The following RABGAP1L variants were observed in gnomAD, a reference collection of about 807,000 sequenced individuals.
RABGAP1L encodes the protein RAB GTPase activating protein 1 like.
A neutral mutation model predicts 137.7 loss-of-function variants in RABGAP1L; 63 were observed. The observed-to-expected ratio is 0.46, with a 90% confidence interval of 0.37 to 0.56. The LOEUF (loss-of-function observed/expected upper bound fraction) is 0.56. Among genes scored for constraint, RABGAP1L ranks in the 20% least tolerant of loss-of-function variants. RABGAP1L has a pLI of 0.00. For missense variants in RABGAP1L, 1,095 were observed against 1,244.0 expected (o/e 0.88, Z 1.80); for synonymous variants, 431 against 433.7 (o/e 0.99, Z 0.08).
At chr1:174,889,504 T>A (rs1212348353) in intron 19 of RABGAP1L, among the ~76,000 whole-genome samples, 7 of 152,174 alleles carry the variant, frequency 4.6e-5, no homozygotes, top group Admixed American at 2.6e-4. Context: ...CACTGCAGCC[T>A]CGAACTCCTG....
chr1:174,862,985 C>T (rs150573949), intron 19 of RABGAP1L, among the ~76,000 whole-genome samples: 9,662 of 151,796 alleles, frequency 0.064, 431 homozygotes, highest in Admixed American at 0.096. Context: ...ACCTCTGCCA[C>T]CTGGATTCAA....
intron 4 of RABGAP1L, among the ~76,000 whole-genome samples, chr1:174,241,177 G>A (rs1429669978): frequency 6.6e-6 from 1 of 151,886 alleles, no homozygotes; most frequent in Non-Finnish European, 1.5e-5. Context: ...AAAATTAGCC[G>A]GGTGTGATGG....
chr1:174,374,550 A>G (rs1372117583), intron 12 of RABGAP1L, among the ~76,000 whole-genome samples: 1 of 152,134 alleles, frequency 6.6e-6, no homozygotes, highest in East Asian at 1.9e-4. Flanking sequence ...TGTAGAAACT[A>G]ATTTTCTTTG....
At chr1:174,745,957 T>G (rs990946386) in intron 17 of RABGAP1L, among the ~76,000 whole-genome samples, 12 of 152,210 alleles carry the variant, frequency 7.9e-5, no homozygotes, top group African/African-American at 2.7e-4. Flanking sequence ...GGATTTCCAT[T>G]ATTTCCCTTT....
intron 13 of RABGAP1L, among the ~76,000 whole-genome samples, chr1:174,635,071 A>AG (rs1268827494): frequency 6.6e-6 from 1 of 151,620 alleles, no homozygotes; most frequent in African/African-American, 2.4e-5. Context: ...AAATAAAAAA[A>AG]GAAAAAAAAG....
chr1:174,349,047 G>A (rs572004248), intron 11 of RABGAP1L, among the ~76,000 whole-genome samples: 4,430 of 138,958 alleles, frequency 0.032, 59 homozygotes, highest in Middle Eastern at 0.091. Flanking sequence ...GGCCGGGCGG[G>A]GGGGGGGCTG....
chr1:174,745,972 T>C (rs1683829988), intron 17 of RABGAP1L, among the ~76,000 whole-genome samples: 1 of 152,202 alleles, frequency 6.6e-6, no homozygotes, highest in African/African-American at 2.4e-5. Context: ...CCCTTTTATT[T>C]TGATTCCTAA....
intron 18 of RABGAP1L, among the ~76,000 whole-genome samples, chr1:174,790,181 G>C (rs1687742240): frequency 6.6e-6 from 1 of 151,756 alleles, no homozygotes; most frequent in Non-Finnish European, 1.5e-5. Context: ...CTGCATTCCA[G>C]TCTGGGAGAC....
Position 174,752,166 on chromosome 1 carries a change from C to A in RABGAP1L, c.2170-147C>A. Reference sequence around the variant, plus strand: ...CAAGCCACTCAGGGAAAGAAAATACCTTTAAAAAAAAACTCATGGTTTAAT... The same window carrying A: ...CAAGCCACTCAGGGAAAGAAAATACATTTAAAAAAAAACTCATGGTTTAAT... On this transcript the variant is annotated intron_variant, in intron 17 of 25. Transcript: ENST00000681986. 1.1e-5 allele frequency: 7 copies of A among 620,744 alleles called. No individual in the cohort carries two copies. The South Asian group carries it at 1.3e-4, about 11-fold the overall frequency. The allele number at this position is 620,744 out of a possible 1,614,324, so 38.5% of individuals were successfully genotyped here. A position where few individuals can be genotyped will look rare whatever the true frequency, so the allele number is the denominator to read the frequency against.
chr1:174,612,960 AGTC>A (rs1671409163), intron 13 of RABGAP1L, among the ~76,000 whole-genome samples: 3 of 151,382 alleles, frequency 2.0e-5, no homozygotes, highest in Non-Finnish European at 4.4e-5. Flanking sequence ...CTTCTTTATT[AGTC>A]TTGCTAGTGG....
intron 24 of RABGAP1L, 133 bp downstream of exon 24, chr1:174,983,038 C>T: frequency 5.4e-6 from 5 of 923,084 alleles, no homozygotes. Flanking sequence ...ACTAGGATAC[C>T]TCTCTTCTGA....
intron 13 of RABGAP1L, among the ~76,000 whole-genome samples, chr1:174,494,904 C>T (rs543931834): frequency 9.2e-5 from 14 of 152,058 alleles, no homozygotes; most frequent in Non-Finnish European, 1.6e-4. Context: ...TGCATCAAGT[C>T]GATAAGTCTT....
chr1:174,586,786 G>C (rs1669148873), intron 13 of RABGAP1L, among the ~76,000 whole-genome samples: 1 of 152,076 alleles, frequency 6.6e-6, no homozygotes, highest in Admixed American at 6.5e-5. Flanking sequence ...AGTACAGACA[G>C]GGTTTCACCG....
At chr1:174,174,468 T>C (rs1665675005) in intron 1 of RABGAP1L, among the ~76,000 whole-genome samples, 1 of 152,118 alleles carries the variant, frequency 6.6e-6, no homozygotes. Context: ...TGGAATTGGC[T>C]TACACAATTA....
intron 10 of RABGAP1L, 67 bp from the exon 11 acceptor site, chr1:174,304,919 T>G (rs1678059424): frequency 3.7e-6 from 5 of 1,357,270 alleles, no homozygotes; most frequent in Non-Finnish European, 5.0e-6. Context: ...ATGCATTATT[T>G]AAATACTATC....
intron 13 of RABGAP1L, among the ~76,000 whole-genome samples, chr1:174,456,137 G>A (rs1656017546): frequency 6.6e-6 from 1 of 151,958 alleles, no homozygotes; most frequent in Non-Finnish European, 1.5e-5. Context: ...TTAACTTTAT[G>A]TTGGAGGTGT....
intron 20 of RABGAP1L, chr1:174,964,887 ATATTTTAG>A: frequency 2.1e-6 from 3 of 1,462,134 alleles, no homozygotes; most frequent in Non-Finnish European, 1.8e-6. Context: ...CATTTCATAA[ATATTTTAG>A]TAGGTGTTCA....
chr1:174,740,882 T>C (rs1477942016), intron 17 of RABGAP1L, among the ~76,000 whole-genome samples: 1 of 152,180 alleles, frequency 6.6e-6, no homozygotes, highest in Non-Finnish European at 1.5e-5. Context: ...GAGAAATGGC[T>C]ATTCATATAC....
intron 14 of RABGAP1L, among the ~76,000 whole-genome samples, chr1:174,640,190 C>A (rs960315663): frequency 6.6e-6 from 1 of 152,014 alleles, no homozygotes; most frequent in Admixed American, 6.6e-5. Flanking sequence ...ACCCTGTAGA[C>A]CGCTTGGTTT....
Sources: gnomAD v4.1 joint callset for allele counts (sites outside exome capture counted in the v4.1 genomes callset) on GRCh38, gnomAD v4.1.1 for gene constraint, MANE v1.5 for transcripts, NCBI Gene and HGNC (gene_info 2026-07-23, HGNC 2026-07-21) for gene names.